Variants in PM20D2 observed in about 807,000 individuals in gnomAD.
The protein encoded by PM20D2 is peptidase M20 domain containing 2, also known as xaa-Arg dipeptidase.
Under a neutral mutation model 42.9 loss-of-function variants are expected in PM20D2, and 33 were observed. The ratio of observed to expected loss-of-function variants is 0.77; its 90% CI spans 0.58 to 1.03. The LOEUF is 1.03. PM20D2 is among the 50% of genes least tolerant of loss of function. PM20D2 has a pLI of 0.00. For synonymous variants in PM20D2, 250 were observed against 228.2 expected (o/e 1.10, Z -0.86); for missense variants, 548 against 557.0 (o/e 0.98, Z 0.16).
chr6:89,154,940 A>C (rs1562256046), intron 4 of PM20D2, 38 bp downstream of exon 4: 1 of 1,526,340 alleles, frequency 6.6e-7, no homozygotes. Flanking sequence ...TTACAATCAG[A>C]GGTATATATG....
the PM20D2 span, among the ~76,000 whole-genome samples, chr6:89,111,068 T>C: frequency 1.3e-5 from 2 of 151,708 alleles, no homozygotes; most frequent in African/African-American, 2.4e-5. Context: ...GCTATGATCA[T>C]GCTACTGCAC....
chr6:89,154,770 A>G lies in PM20D2; in HGVS notation c.780A>G (p.Val260=), dbSNP rs1256676789. 12 of 1,556,934 alleles carry G rather than the reference A, an allele frequency of 7.7e-6. No individual in the cohort carries two copies. Among genetic ancestry groups the G allele is most frequent in the Non-Finnish European group, 7.8e-6 (9 of 1,151,752 alleles). Residue 260 remains valine, a synonymous_variant, in exon 4 of 7, where the codon GTA becomes GTG. Coordinates refer to ENST00000275072, the MANE Select transcript of PM20D2 (RefSeq NM_001010853.3). ...TAGGTATAATAAAAAATGGTGGTGT[A>G]AAACCCAATATCATTCCCTCTTATT... ...RVHGIIKNGG[V]KPNIIPSYSE...
chr6:89,100,412 A>G, the PM20D2 span, among the ~76,000 whole-genome samples: 1 of 152,232 alleles, frequency 6.6e-6, no homozygotes. Context: ...CCAAGCCTTA[A>G]GATCAAAGTG....
chr6:89,149,481 C>T (rs981982282), intron 2 of PM20D2, 68 bp downstream of exon 2: 1 of 1,516,732 alleles, frequency 6.6e-7, no homozygotes, highest in Non-Finnish European at 8.9e-7. Flanking sequence ...TATGTCTAAA[C>T]CAGAGACGAA....
chr6:89,154,669 C>A, intron 3 of PM20D2, 79 bp from the exon 4 acceptor site: 1 of 1,027,156 alleles, frequency 9.7e-7, no homozygotes, highest in Non-Finnish European at 1.4e-6. Flanking sequence ...AACATATTGG[C>A]TGAAAAACTT....
At chr6:89,133,383 G>A in the PM20D2 span, among the ~76,000 whole-genome samples, 1 of 151,048 alleles carries the variant, frequency 6.6e-6, no homozygotes, top group East Asian at 1.9e-4. Flanking sequence ...TATAGATATT[G>A]TTTTATGTAA....
chr6:89,123,313 G>C, the PM20D2 span, among the ~76,000 whole-genome samples: 3 of 152,152 alleles, frequency 2.0e-5, no homozygotes, highest in Non-Finnish European at 4.4e-5. Flanking sequence ...CATCCATCCT[G>C]TGAGATTTTT....
the PM20D2 span, among the ~76,000 whole-genome samples, chr6:89,111,989 A>G: frequency 6.6e-6 from 1 of 152,214 alleles, no homozygotes; most frequent in African/African-American, 2.4e-5. Context: ...TCACCAGTGA[A>G]AAGAAACATA....
rs1028896017 is a variant in PM20D2 at position 89,162,438 on chromosome 6, T to G, written c.*175T>G. 1 of 656,318 alleles carries G rather than the reference T, an allele frequency of 1.5e-6. No homozygotes were observed. The highest frequency in any genetic ancestry group is 2.4e-6 in the Non-Finnish European group (1 of 418,042). 40.7% of individuals were successfully genotyped at this position (656,318 alleles called of 1,614,324 possible). A position where few individuals can be genotyped will look rare whatever the true frequency, so the allele number is the denominator to read the frequency against. On this transcript the variant is annotated 3_prime_UTR_variant, in exon 7 of 7. Transcript: ENST00000275072. ...ATTACCTCATATCTAAAGTGAAAAT[T>G]TTTGCAAATCCGTACTTGATAGGAT...
chr6:89,130,819 C>CTTCTTTTTTTTTTTTTTTT, the PM20D2 span, among the ~76,000 whole-genome samples: 1 of 24,038 alleles, frequency 4.2e-5, no homozygotes, highest in African/African-American at 1.4e-4. Context: ...GCTTCTTCTT[C>CTTCTTTTTTTTTTTTTTTT]TTTTTTTTTT....
At chr6:89,155,258 C>CTTTTTTTT (rs34776724) in intron 4 of PM20D2, among the ~76,000 whole-genome samples, 1 of 58,924 alleles carries the variant, frequency 1.7e-5, no homozygotes, top group African/African-American at 6.6e-5. Flanking sequence ...TCAGCAAAAG[C>CTTTTTTTT]TTTTTTTTTT....
Position 89,164,392 on chromosome 6 carries a change from T to C in PM20D2, c.*2129T>C, listed in dbSNP as rs1323229075. The C allele has an allele frequency of 6.6e-6, 1 of 152,614 alleles. No individual in the cohort carries two copies. Among genetic ancestry groups the C allele is most frequent in the Non-Finnish European group, 1.5e-5 (1 of 68,022 alleles). 9.5% of individuals were successfully genotyped at this position (152,614 alleles called of 1,614,324 possible). On this transcript the variant is annotated 3_prime_UTR_variant, in exon 7 of 7. Coordinates refer to ENST00000275072, the MANE Select transcript of PM20D2 (RefSeq NM_001010853.3). ...ACACTTGCAAAGGAAGAGCTAAGAT[T>C]AACATAATTTCTTTGGTTTTTCTAT...
the PM20D2 span, among the ~76,000 whole-genome samples, chr6:89,124,737 T>TTTTTTTG: frequency 2.3e-5 from 1 of 43,782 alleles, no homozygotes; most frequent in Admixed American, 2.2e-4. Flanking sequence ...GCTGTTGTTG[T>TTTTTTTG]TTTTTTTTTT....
the PM20D2 span, among the ~76,000 whole-genome samples, chr6:89,132,079 T>C: frequency 1.3e-5 from 2 of 152,104 alleles, no homozygotes; most frequent in South Asian, 4.1e-4. Context: ...TGGACACCTA[T>C]GGAAAGCTGA....
the PM20D2 span, among the ~76,000 whole-genome samples, chr6:89,124,432 A>G: frequency 6.6e-6 from 1 of 152,320 alleles, no homozygotes; most frequent in East Asian, 1.9e-4. Context: ...TAAATAAGTC[A>G]TTATAATATT....
the PM20D2 span, among the ~76,000 whole-genome samples, chr6:89,108,475 A>C: frequency 1.3e-5 from 2 of 152,210 alleles, no homozygotes; most frequent in South Asian, 4.1e-4. Context: ...CTAGAAATCA[A>C]ATTTTCAGTC....
chr6:89,104,016 T>TTTTTTTTTTTG, the PM20D2 span, among the ~76,000 whole-genome samples: 1 of 69,916 alleles, frequency 1.4e-5, no homozygotes. Flanking sequence ...TTTTTTTTTT[T>TTTTTTTTTTTG]TGGAGAGACG....
the PM20D2 span, among the ~76,000 whole-genome samples, chr6:89,115,632 T>TA: frequency 8.8e-6 from 1 of 114,000 alleles, no homozygotes; most frequent in Non-Finnish European, 1.7e-5. Flanking sequence ...TTTTTCTTTC[T>TA]TTTTTTTTTT....
chr6:89,131,517 G>A, the PM20D2 span, among the ~76,000 whole-genome samples: 6 of 116,998 alleles, frequency 5.1e-5, no homozygotes, highest in South Asian at 1.8e-3. Context: ...ACAAGACCCT[G>A]TCTCTATTTT....
Sources: allele counts gnomAD v4.1 joint callset (sites outside exome capture counted in the v4.1 genomes callset), GRCh38; gene constraint gnomAD v4.1.1; transcripts MANE v1.5; gene names NCBI Gene and HGNC (gene_info 2026-07-23, HGNC 2026-07-21).